The following ELOVL6 variants were observed in gnomAD, a reference collection of about 807,000 sequenced individuals.
ELOVL6 encodes the protein very long chain fatty acid elongase 6.
ELOVL6 carries 8 observed loss-of-function variants against 31.7 expected under a neutral mutation model. That is an observed-to-expected ratio of 0.25 (90% CI 0.15 to 0.45). The LOEUF (loss-of-function observed/expected upper bound fraction) is 0.45. Ranked by LOEUF, ELOVL6 falls within the 20% of genes least tolerant of loss-of-function variation. ELOVL6 has a pLI of 1.00. For synonymous variants in ELOVL6, 101 were observed against 117.7 expected (o/e 0.86, Z 0.92); for missense variants, 126 against 326.4 (o/e 0.39, Z 4.73).
At chr4:110,070,753 C>T (rs150792175) in intron 2 of ELOVL6, among the ~76,000 whole-genome samples, 112 of 152,270 alleles carry the variant, frequency 7.4e-4, no homozygotes, top group African/African-American at 2.5e-3. Context: ...GGCTCTCTTC[C>T]TCTTTCTTCG....
chr4:110,078,380 C>T (rs552007364), intron 2 of ELOVL6, among the ~76,000 whole-genome samples: 1 of 152,350 alleles, frequency 6.6e-6, no homozygotes, highest in South Asian at 2.1e-4. Flanking sequence ...ATGAGACTAA[C>T]AGCTGACCTC....
At chr4:110,142,036 C>A (rs116353365) in intron 1 of ELOVL6, among the ~76,000 whole-genome samples, 3,236 of 147,548 alleles carry the variant, frequency 0.022, 50 homozygotes, top group Non-Finnish European at 0.035. Flanking sequence ...GTCCAAGGAA[C>A]TTCATCCTTG....
intron 1 of ELOVL6, among the ~76,000 whole-genome samples, chr4:110,134,416 T>C (rs940800791): frequency 4.6e-5 from 7 of 152,182 alleles, no homozygotes; most frequent in African/African-American, 1.7e-4. Context: ...GGAGTCACTA[T>C]GACACATGGA....
chr4:110,136,607 C>T (rs1038878296), intron 1 of ELOVL6, among the ~76,000 whole-genome samples: 1 of 152,176 alleles, frequency 6.6e-6, no homozygotes, highest in Non-Finnish European at 1.5e-5. Context: ...TAGGATCTGC[C>T]AGCTGCCCCT....
At chr4:110,123,516 T>C (rs1757409430) in intron 1 of ELOVL6, among the ~76,000 whole-genome samples, 1 of 152,060 alleles carries the variant, frequency 6.6e-6, no homozygotes, top group South Asian at 2.1e-4. Context: ...GTAAATTATA[T>C]AGTATGTTAG....
At chr4:110,081,147 C>T (rs1030091189) in intron 2 of ELOVL6, among the ~76,000 whole-genome samples, 10 of 152,114 alleles carry the variant, frequency 6.6e-5, no homozygotes, top group East Asian at 3.9e-4. Flanking sequence ...GAATCAATAT[C>T]GTGAAAATGG....
chr4:110,168,577 C>T (rs1275131884), intron 1 of ELOVL6, among the ~76,000 whole-genome samples: 1 of 151,920 alleles, frequency 6.6e-6, no homozygotes, highest in Non-Finnish European at 1.5e-5. Context: ...TCAAAAACTG[C>T]TCTCACGTGC....
chr4:110,083,849 T>C (rs1251894631), intron 2 of ELOVL6, among the ~76,000 whole-genome samples: 2 of 148,524 alleles, frequency 1.3e-5, no homozygotes, highest in African/African-American at 5.0e-5. Context: ...TATAGCTGCT[T>C]AGACTCCCTG....
At position 110,084,401 on chromosome 4, in the gene ELOVL6, G is replaced by GC. The variant is rs1560815197; in HGVS notation, c.221+21095_221+21096insG. 1.6e-3 allele frequency among the ~76,000 whole-genome samples: 28 copies of GC among 17,520 alleles called. 2 individuals are homozygous for GC. The highest frequency in any genetic ancestry group is 8.0e-3 in the South Asian group (4 of 500). 11.5% of individuals were successfully genotyped at this position (17,520 alleles called of 152,430 possible). ...GATATATATCGCATATATGATATAT[G>GC]ATATATGACATACATGATATATCAC... is the stretch of plus-strand genomic sequence containing the variant. On this transcript the variant is annotated intron_variant, in intron 2 of 3. Coordinates refer to ENST00000302274, the MANE Select transcript of ELOVL6 (RefSeq NM_024090.3).
At chr4:110,141,855 G>GTATGTATA in intron 1 of ELOVL6, among the ~76,000 whole-genome samples, 2 of 126,632 alleles carry the variant, frequency 1.6e-5, no homozygotes, top group Admixed American at 1.7e-4. Flanking sequence ...AATACAATTA[G>GTATGTATA]TATATATATA....
At chr4:110,065,549 A>G (rs1755276170) in intron 2 of ELOVL6, among the ~76,000 whole-genome samples, 1 of 152,200 alleles carries the variant, frequency 6.6e-6, no homozygotes, top group Admixed American at 6.5e-5. Context: ...GCTTGAGTGC[A>G]GGATGTCGAG....
At chr4:110,198,638 CT>C, upstream of ELOVL6, 2 of 312,564 alleles carry the variant, frequency 6.4e-6, no homozygotes, top group Non-Finnish European at 5.9e-6. Flanking sequence ...GTCCATCACC[CT>C]TTTTACTCGT....
intron 1 of ELOVL6, among the ~76,000 whole-genome samples, chr4:110,137,934 T>C (rs1757855286): frequency 6.6e-6 from 1 of 152,222 alleles, no homozygotes; most frequent in Admixed American, 6.5e-5. Flanking sequence ...TATTGCCTTT[T>C]ACAGACAAGA....
At chr4:110,093,895 G>A (rs897926518) in intron 2 of ELOVL6, among the ~76,000 whole-genome samples, 11 of 152,148 alleles carry the variant, frequency 7.2e-5, no homozygotes, top group African/African-American at 2.7e-4. Context: ...GGAGGCTAGG[G>A]AAGGTCTCAT....
At position 110,195,318 on chromosome 4, in the gene ELOVL6, C is replaced by T. The variant is rs567077510; in HGVS notation, c.89+2929G>A. Among the ~76,000 whole-genome samples, 30 of 152,138 alleles carry T rather than the reference C, an allele frequency of 2.0e-4. No individual in the cohort carries two copies. The East Asian group carries it at 5.4e-3, about 27-fold the overall frequency. ...TATTTTTAGTAGAGATGGGGTTTCA[C>T]CATATTGGCCTGGCTGGTCTCGAAC... is the stretch of plus-strand genomic sequence containing the variant. On this transcript the variant is annotated intron_variant, in intron 1 of 3. Coordinates refer to ENST00000302274, the MANE Select transcript of ELOVL6 (RefSeq NM_024090.3).
rs932423583 is a variant in ELOVL6, at chr4:110,198,516, C to T, written c.-181G>A. Reference sequence around the variant, plus strand: ...CCTCTCAGCTACATCCAGGGCTGAGCATTGCCTGCGCCTCCGCTCCCAGCT... The same window carrying T: ...CCTCTCAGCTACATCCAGGGCTGAGTATTGCCTGCGCCTCCGCTCCCAGCT... On this transcript the variant is annotated 5_prime_UTR_variant, in exon 1 of 4. An upstream start codon of the reference 5' UTR is lost. Coordinates refer to ENST00000302274, the MANE Select transcript of ELOVL6 (RefSeq NM_024090.3). The T allele has an allele frequency of 1.8e-6, 1 of 555,390 alleles. No individual in the cohort carries two copies. Among genetic ancestry groups the T allele is most frequent in the African/African-American group, 1.9e-5 (1 of 51,526 alleles). 34.4% of individuals were successfully genotyped at this position (555,390 alleles called of 1,614,324 possible). A position where few individuals can be genotyped will look rare whatever the true frequency, so the allele number is the denominator to read the frequency against.
At chr4:110,140,848 T>G (rs1425465695) in intron 1 of ELOVL6, among the ~76,000 whole-genome samples, 1 of 151,922 alleles carries the variant, frequency 6.6e-6, no homozygotes, top group Non-Finnish European at 1.5e-5. Flanking sequence ...GTGCATATTC[T>G]TTTATTACTG....
intron 2 of ELOVL6, among the ~76,000 whole-genome samples, chr4:110,098,491 A>G (rs6819198): frequency 0.2 from 30,955 of 152,010 alleles, 3,851 homozygotes; most frequent in East Asian, 0.53. Context: ...ACATGTTGTA[A>G]CATGTTACTA....
chr4:110,112,826 A>G lies in ELOVL6; in HGVS notation c.90-7198T>C, dbSNP rs1757072821. Among the ~76,000 whole-genome samples, 4 of 152,108 alleles carry G rather than the reference A, an allele frequency of 2.6e-5. No homozygotes were observed. In the South Asian group the frequency reaches 8.3e-4, roughly 32 times the overall value. ...GAGGCAGAGGTTGCAGTGAGCCAAG[A>G]TCACACCATTGCATTCCAGCCTGGG... On this transcript the variant is annotated intron_variant, in intron 1 of 3. Transcript: ENST00000302274.
Sources: allele counts gnomAD v4.1 joint callset (sites outside exome capture counted in the v4.1 genomes callset), GRCh38; gene constraint gnomAD v4.1.1; transcripts MANE v1.5; gene names NCBI Gene and HGNC (gene_info 2026-07-23, HGNC 2026-07-21).